Variants in GEMIN5 observed in about 807,000 individuals in gnomAD.
GEMIN5 encodes gem nuclear organelle associated protein 5, also known as gem-associated protein 5.
In GEMIN5, 124 loss-of-function variants were observed where a neutral mutation model predicts 176.9. The observed-to-expected ratio is 0.70, with a 90% CI of 0.61 to 0.81. GEMIN5 has a LOEUF of 0.81. GEMIN5 is among the 40% of genes least tolerant of loss of function. The probability of loss-of-function intolerance (pLI) is 0.00; values close to 1 mark genes in which losing one functional copy is unlikely to be tolerated. For missense variants in GEMIN5, 1,843 were observed against 1,814.6 expected, an observed-to-expected ratio of 1.02 and a Z score of -0.28; for synonymous variants, 673 against 665.2, an observed-to-expected ratio of 1.01 and a Z score of -0.18.
At chr5:154,895,477 G>T (rs1032029750) in intron 24 of GEMIN5, among the ~76,000 whole-genome samples, 1 of 152,154 alleles carries the variant, frequency 6.6e-6, no homozygotes, top group Non-Finnish European at 1.5e-5. Context: ...AACAATACAT[G>T]TGGCACTGAC....
At position 154,887,883 on chromosome 5, in the gene GEMIN5, T is replaced by C; in HGVS notation, c.*327A>G. On this transcript the variant is annotated 3_prime_UTR_variant, in exon 28 of 28. Transcript: ENST00000285873. ...CTTGTGTTTTAAGCATGTAACACTTTGGGTGACGACAGAAGTTTCTCCTCT... is the reference window on the plus strand; with the variant it reads ...CTTGTGTTTTAAGCATGTAACACTTCGGGTGACGACAGAAGTTTCTCCTCT... The C allele has an allele frequency of 3.5e-6, 1 of 285,404 alleles. No individual in the cohort carries two copies. Among genetic ancestry groups the C allele is most frequent in the African/African-American group, 2.3e-5 (1 of 44,344 alleles). 17.7% of individuals were successfully genotyped at this position (285,404 alleles called of 1,614,324 possible).
chr5:154,887,922 G>C lies in GEMIN5; in HGVS notation c.*288C>G. 1 of 358,574 alleles carries C rather than the reference G, an allele frequency of 2.8e-6. No homozygotes were observed. Among genetic ancestry groups the C allele is most frequent in the Non-Finnish European group, 5.1e-6 (1 of 195,450 alleles). The allele number at this position is 358,574 out of a possible 1,614,324, so 22.2% of individuals were successfully genotyped here. ...AGTTTCTCCTCTTTGGGTGAAACCTGCCTAAGGCTGTAGAGATGACCAACA... is the reference window on the plus strand; with the variant it reads ...AGTTTCTCCTCTTTGGGTGAAACCTCCCTAAGGCTGTAGAGATGACCAACA... On this transcript the variant is annotated 3_prime_UTR_variant, in exon 28 of 28. Coordinates refer to ENST00000285873, the MANE Select transcript of GEMIN5 (RefSeq NM_015465.5).
In GEMIN5 at chr5:154,907,556, G is replaced by A. The variant is rs543454690; in HGVS notation, c.2395+35C>T. Reference sequence around the variant, plus strand: ...AGCTTAGTTTCCCAGACACGACCATGAAATCCTAGTGATACACAGGATTCT... The same window carrying A: ...AGCTTAGTTTCCCAGACACGACCATAAAATCCTAGTGATACACAGGATTCT... On this transcript the variant is annotated intron_variant, in intron 16 of 27. Transcript: ENST00000285873. 875 of 1,513,550 alleles carry A rather than the reference G, an allele frequency of 5.8e-4. 7 individuals carry two copies. The highest frequency in any genetic ancestry group is 5.6e-3 in the South Asian group (499 of 88,924). The allele number at this position is 1,513,550 out of a possible 1,614,324, so 93.8% of individuals were successfully genotyped here. A position where few individuals can be genotyped will look rare whatever the true frequency, so the allele number is the denominator to read the frequency against.
intron 9 of GEMIN5, among the ~76,000 whole-genome samples, chr5:154,922,519 T>C (rs1763945104): frequency 6.6e-6 from 1 of 152,144 alleles, no homozygotes; most frequent in African/African-American, 2.4e-5. Flanking sequence ...ACAATAGCTC[T>C]AGGGCAATAC....
chr5:154,891,720 C>T lies in GEMIN5; in HGVS notation c.3783G>A (p.Lys1261=), dbSNP rs749885277. The T allele has an allele frequency of 1.9e-6, 3 of 1,602,262 alleles. 1 individual carries two copies. The highest frequency in any genetic ancestry group is 2.2e-5 in the South Asian group (2 of 88,898). The change falls in exon 26 of 28, where the codon AAG becomes AAA. Residue 1261 remains lysine, a synonymous_variant. Transcript: ENST00000285873. ...LPDGCDHLRD[K]LGDHQSPATP... is the part of the protein sequence containing the mutation. ...TGGCAGGGGATTGATGGTCCCCCAA[C>T]TTGTCTCTTAGGTGGTCACAGCCTA...
At position 154,924,469 on chromosome 5, in the gene GEMIN5, T is replaced by C. The variant is rs1364836544; in HGVS notation, c.1379A>G (p.Lys460Arg). 5 of 1,596,694 alleles carry C rather than the reference T, an allele frequency of 3.1e-6. No homozygotes were observed. The South Asian group carries it at 3.3e-5, about 11-fold the overall frequency. ...GGAAGAAGAATCACCCATTTCTTAC[T>C]TGTTGGAGTAGGTGTCATACAATCC... is the stretch of plus-strand genomic sequence containing the variant. ...KVGLYDTYSN[K>R]PPQISSTYHK... is the part of the protein sequence containing the mutation. Residue 460 changes from lysine (K) to arginine (R), a missense_variant and splice_region_variant, in exon 9 of 28, where the codon AAG (lysine) becomes AGG (arginine). Lys to Arg is a conservative substitution (Grantham distance 26). Coordinates refer to ENST00000285873, the MANE Select transcript of GEMIN5 (RefSeq NM_015465.5).
chr5:154,898,660 G>A lies in GEMIN5; in HGVS notation c.3135-10C>T, dbSNP rs1763406559. ...AGTGGCCCCTAAATAGCTATAATAT[G>A]AATAAAAATGTGAAGAAAATGTCAC... On this transcript the variant is annotated splice_polypyrimidine_tract_variant and intron_variant, in intron 22 of 27. Coordinates refer to ENST00000285873, the MANE Select transcript of GEMIN5 (RefSeq NM_015465.5). 1.9e-6 allele frequency: 3 copies of A among 1,583,474 alleles called. No homozygotes were observed. Among genetic ancestry groups the A allele is most frequent in the South Asian group, 2.2e-5 (2 of 90,356 alleles).
rs1452386932 is a variant in GEMIN5, at chr5:154,912,886, G to A, written c.1995+13C>T. On this transcript the variant is annotated intron_variant, in intron 14 of 27. Coordinates refer to ENST00000285873, the MANE Select transcript of GEMIN5 (RefSeq NM_015465.5). Reference sequence around the variant, plus strand: ...ACAGTGAAGGACCCACAGGGACAAGGACACAATAGTACCTGGGCTGTACCA... The same window carrying A: ...ACAGTGAAGGACCCACAGGGACAAGAACACAATAGTACCTGGGCTGTACCA... The A allele has an allele frequency of 9.3e-6, 15 of 1,609,510 alleles. No homozygotes were observed. Among genetic ancestry groups the A allele is most frequent in the Non-Finnish European group, 1.3e-5 (15 of 1,177,340 alleles).
chr5:154,918,060 G>C, intron 11 of GEMIN5, 56 bp from the exon 12 acceptor site: 1 of 1,063,044 alleles, frequency 9.4e-7, no homozygotes, highest in South Asian at 1.3e-5. Flanking sequence ...AATCAGCAAT[G>C]ACAGCATGAG....
At chr5:154,914,287 C>T (rs1763769512) in intron 13 of GEMIN5, among the ~76,000 whole-genome samples, 1 of 152,130 alleles carries the variant, frequency 6.6e-6, no homozygotes, top group African/African-American at 2.4e-5. Flanking sequence ...TCCCAAAGTG[C>T]CGGGATTATA....
Position 154,898,630 on chromosome 5 carries a change from G to A in GEMIN5, c.3155C>T (p.Ala1052Val), listed in dbSNP as rs780180314. ...AAKCYLGATCAYDAAKVLAKK... is the reference protein window; with the variant it reads ...AAKCYLGATCVYDAAKVLAKK... ...GGCCAAAACTTTGGCTGCATCATAA[G>A]CACAAGTGGCCCCTAAATAGCTATA... Residue 1052 changes from alanine to valine, a missense_variant, in exon 23 of 28, where the codon GCT (alanine) becomes GTT (valine). Physicochemically the swap from Ala to Val is moderately conservative, Grantham distance 64 (BLOSUM62 0). Coordinates refer to ENST00000285873, the MANE Select transcript of GEMIN5 (RefSeq NM_015465.5). The A allele has an allele frequency of 2.5e-6, 4 of 1,612,924 alleles. No homozygotes were observed. The Admixed American group carries it at 5.0e-5, about 20-fold the overall frequency.
intron 24 of GEMIN5, among the ~76,000 whole-genome samples, 164 bp downstream of exon 24, chr5:154,895,928 G>A (rs1287258983): frequency 1.3e-5 from 2 of 152,140 alleles, no homozygotes; most frequent in Non-Finnish European, 2.9e-5. Context: ...AAAGTTAAAG[G>A]GCTTTGATTA....
At position 154,917,923 on chromosome 5, in the gene GEMIN5, A is replaced by G; in HGVS notation, c.1673+8T>C. 1 of 1,584,018 alleles carries G rather than the reference A, an allele frequency of 6.3e-7. No homozygotes were observed. The highest frequency in any genetic ancestry group is 8.7e-7 in the Non-Finnish European group (1 of 1,152,760). On this transcript the variant is annotated splice_region_variant and intron_variant, in intron 12 of 27. Coordinates refer to ENST00000285873, the MANE Select transcript of GEMIN5 (RefSeq NM_015465.5). Reference sequence around the variant, plus strand: ...CAAATTTTTTATCTTAAAGAAGCAAATACATACCCATCTTCATTGCCAAGA... The same window carrying G: ...CAAATTTTTTATCTTAAAGAAGCAAGTACATACCCATCTTCATTGCCAAGA...
chr5:154,895,950 T>A, intron 24 of GEMIN5, 142 bp downstream of exon 24: 1 of 816,212 alleles, frequency 1.2e-6, no homozygotes, highest in Admixed American at 2.4e-5. Flanking sequence ...TCTAAAGGGA[T>A]CTTTCCAGGT....
In GEMIN5 at chr5:154,888,197, G is replaced by T. The variant is rs757964433; in HGVS notation, c.*13C>A. 207 of 1,612,612 alleles carry T rather than the reference G, an allele frequency of 1.3e-4. No homozygotes were observed. Among genetic ancestry groups the T allele is most frequent in the Non-Finnish European group, 1.7e-4 (204 of 1,178,784 alleles). On this transcript the variant is annotated 3_prime_UTR_variant, in exon 28 of 28. Coordinates refer to ENST00000285873, the MANE Select transcript of GEMIN5 (RefSeq NM_015465.5). ...ATTTTCAATTTGGCAGTTTCTTCAA[G>T]GTGTGTGAAAATTCACATACAGAAG... is the stretch of plus-strand genomic sequence containing the variant.
At chr5:154,935,665 G>A (rs556736844) in intron 3 of GEMIN5, among the ~76,000 whole-genome samples, 176 bp downstream of exon 3, 1 of 152,324 alleles carries the variant, frequency 6.6e-6, no homozygotes, top group South Asian at 2.1e-4. Context: ...AAACAAAAAC[G>A]GAGTGGCAGA....
At position 154,889,405 on chromosome 5, in the gene GEMIN5, T is replaced by C; in HGVS notation, c.4275A>G (p.Lys1425=). Residue 1425 remains lysine (K), a synonymous_variant, in exon 27 of 28, where the codon AAA becomes AAG. Transcript: ENST00000285873. ...CSSQSQCKEE[K]NEPLSLPELT... ...ACTCAGGCAGAGAAAGTGGCTCATT[T>C]TTTTCTTCTTTACTAGTGAAAAAAA... 6.2e-7 allele frequency: 1 copy of C among 1,604,942 alleles called. No individual in the cohort carries two copies. Among genetic ancestry groups the C allele is most frequent in the East Asian group, 2.2e-5 (1 of 44,740 alleles).
chr5:154,936,648 G>C (rs1764275520), intron 2 of GEMIN5, among the ~76,000 whole-genome samples: 1 of 152,186 alleles, frequency 6.6e-6, no homozygotes. Flanking sequence ...CGCATTTACA[G>C]TCTATATCAG....
At chr5:154,936,416 C>CAAAA (rs1303685123) in intron 2 of GEMIN5, among the ~76,000 whole-genome samples, 1 of 14,928 alleles carries the variant, frequency 6.7e-5, no homozygotes. Context: ...GACTCCGTCT[C>CAAAA]AAAAAAAAAA....
Sources: gnomAD v4.1 joint callset for allele counts (sites outside exome capture counted in the v4.1 genomes callset) on GRCh38, gnomAD v4.1.1 for gene constraint, MANE v1.5 for transcripts, NCBI Gene and HGNC (gene_info 2026-07-23, HGNC 2026-07-21) for gene names.